The following LRRC4C variants were observed in gnomAD, a reference collection of about 807,000 sequenced individuals.
LRRC4C encodes leucine-rich repeat-containing protein 4C.
A neutral mutation model predicts 33.6 loss-of-function variants in LRRC4C; 5 were observed. That is an observed-to-expected ratio of 0.15 (90% confidence interval 0.08 to 0.31). The LOEUF (loss-of-function observed/expected upper bound fraction) is 0.31, where lower values mean the gene tolerates loss of function less well. LRRC4C is among the 10% of genes least tolerant of loss of function. The probability of loss-of-function intolerance (pLI) is 1.00; values close to 1 mark genes in which losing one functional copy is unlikely to be tolerated. For synonymous variants in LRRC4C, 329 were observed against 302.0 expected (o/e 1.09, Z -0.93); for missense variants, 560 against 796.7 (o/e 0.70, Z 3.58).
chr11:41,094,843 G>GA (rs369897319), intron 1 of LRRC4C, among the ~76,000 whole-genome samples: 9 of 152,032 alleles, frequency 5.9e-5, no homozygotes, highest in African/African-American at 9.7e-5. Context: ...TAAACTAGGT[G>GA]AAAAAAATCA....
intron 2 of LRRC4C, among the ~76,000 whole-genome samples, chr11:40,841,036 AT>A (rs1344061845): frequency 1.3e-5 from 2 of 152,218 alleles, no homozygotes; most frequent in African/African-American, 4.8e-5. Context: ...AGTTGTGTGA[AT>A]TTAGAAAATA....
At chr11:40,854,744 A>G (rs1393540265) in intron 2 of LRRC4C, among the ~76,000 whole-genome samples, 1 of 150,996 alleles carries the variant, frequency 6.6e-6, no homozygotes, top group Non-Finnish European at 1.5e-5. Context: ...ATGTACATAG[A>G]GTACATTAAT....
intron 1 of LRRC4C, among the ~76,000 whole-genome samples, chr11:40,941,649 T>C (rs541865325): frequency 5.9e-5 from 9 of 152,276 alleles, no homozygotes; most frequent in Admixed American, 1.3e-4. Flanking sequence ...TAGTGCTACC[T>C]GAGAAGTAAA....
Position 40,259,630 on chromosome 11 carries a change from G to A in LRRC4C, c.-175-18032C>T, listed in dbSNP as rs182563081. Among the ~76,000 whole-genome samples, 212 of 152,212 alleles carry A rather than the reference G, an allele frequency of 1.4e-3. 2 individuals are homozygous for A. The highest frequency in any genetic ancestry group is 4.8e-3 in the African/African-American group (199 of 41,530). ...GATCCAGTTTCAGCTTTCTACATAC[G>A]GCTAGCCAGTTTTCCCATCACCATT... On this transcript the variant is annotated intron_variant, in intron 4 of 6. Coordinates refer to ENST00000528697, the MANE Select transcript of LRRC4C (RefSeq NM_001258419.2).
At chr11:41,417,863 G>C (rs968132758) in intron 1 of LRRC4C, among the ~76,000 whole-genome samples, 3 of 151,146 alleles carry the variant, frequency 2.0e-5, no homozygotes, top group African/African-American at 7.3e-5. Flanking sequence ...ATTCATTGCT[G>C]TTGCTATCCT....
chr11:40,926,252 C>T (rs1957402929), intron 2 of LRRC4C, among the ~76,000 whole-genome samples: 1 of 152,152 alleles, frequency 6.6e-6, no homozygotes, highest in Non-Finnish European at 1.5e-5. Flanking sequence ...TCCTTCTGTC[C>T]TGTGACCTCC....
chr11:40,978,616 T>C (rs1423050998), intron 1 of LRRC4C, among the ~76,000 whole-genome samples: 1 of 150,294 alleles, frequency 6.7e-6, no homozygotes, highest in African/African-American at 2.4e-5. Flanking sequence ...CCCCTCTTTC[T>C]TTTTACTGTT....
chr11:40,796,801 G>A (rs1275408164), intron 2 of LRRC4C, among the ~76,000 whole-genome samples: 1 of 151,756 alleles, frequency 6.6e-6, no homozygotes, highest in East Asian at 1.9e-4. Flanking sequence ...CATGCACCAC[G>A]ATGCCTGGCT....
intron 1 of LRRC4C, among the ~76,000 whole-genome samples, chr11:41,339,539 C>G (rs1197951113): frequency 6.6e-6 from 1 of 152,132 alleles, no homozygotes; most frequent in Non-Finnish European, 1.5e-5. Context: ...AAAAACATCC[C>G]TCTCCTGTCT....
intron 3 of LRRC4C, among the ~76,000 whole-genome samples, chr11:40,349,077 A>G (rs1461111057): frequency 6.6e-6 from 1 of 152,216 alleles, no homozygotes; most frequent in East Asian, 1.9e-4. Flanking sequence ...TTTGTGTTAC[A>G]AACATTGCAA....
chr11:40,221,923 A>C (rs931451828), intron 5 of LRRC4C, among the ~76,000 whole-genome samples: 1 of 152,166 alleles, frequency 6.6e-6, no homozygotes. Flanking sequence ...CTCTTGAGAC[A>C]GGAGTCTCGT....
intron 3 of LRRC4C, among the ~76,000 whole-genome samples, chr11:40,578,829 G>T (rs1240329739): frequency 6.6e-6 from 1 of 152,142 alleles, no homozygotes. Context: ...TGAGACCAAA[G>T]ATTTGTGTCT....
intron 5 of LRRC4C, among the ~76,000 whole-genome samples, chr11:40,218,828 C>T (rs1864195100): frequency 1.3e-5 from 2 of 151,944 alleles, no homozygotes; most frequent in South Asian, 2.1e-4. Flanking sequence ...GTCTCATCTC[C>T]TACCTTTCTC....
chr11:41,132,098 C>A (rs1456992434), intron 1 of LRRC4C, among the ~76,000 whole-genome samples: 1 of 152,064 alleles, frequency 6.6e-6, no homozygotes, highest in Non-Finnish European at 1.5e-5. Flanking sequence ...ATGGGCTTGC[C>A]CCGAATTCTT....
chr11:41,265,681 T>G (rs1166264150), intron 1 of LRRC4C, among the ~76,000 whole-genome samples: 2 of 152,098 alleles, frequency 1.3e-5, no homozygotes, highest in African/African-American at 4.8e-5. Context: ...CATAATGGAA[T>G]TCTGCAGGGC....
chr11:40,936,384 C>T (rs1196499566), intron 1 of LRRC4C, among the ~76,000 whole-genome samples: 2 of 140,474 alleles, frequency 1.4e-5, no homozygotes, highest in Non-Finnish European at 3.0e-5. Context: ...GCTGCCCAGG[C>T]TGGAGTGCAG....
At chr11:41,184,943 A>G (rs2136177823) in intron 1 of LRRC4C, among the ~76,000 whole-genome samples, 1 of 152,252 alleles carries the variant, frequency 6.6e-6, no homozygotes, top group South Asian at 2.1e-4. Flanking sequence ...AAATAGAGAA[A>G]GAGAGAAAGA....
rs142210475 is a variant in LRRC4C, at chr11:41,442,910, T to C, written c.-496+16521A>G. Among the ~76,000 whole-genome samples the C allele has an allele frequency of 1.2e-3, 185 of 152,306 alleles. 1 individual carries two copies. In the Middle Eastern group the frequency reaches 0.02, roughly 17 times the overall value. On this transcript the variant is annotated intron_variant, in intron 1 of 6. Coordinates refer to ENST00000528697, the MANE Select transcript of LRRC4C (RefSeq NM_001258419.2). ...TACAATGACTTATGTATGCAGAATG[T>C]TCTGCATTGCAGAAAATGCTTTTGA...
At chr11:40,468,690 A>G (rs1952775445) in intron 3 of LRRC4C, among the ~76,000 whole-genome samples, 1 of 152,168 alleles carries the variant, frequency 6.6e-6, no homozygotes, top group African/African-American at 2.4e-5. Flanking sequence ...ATATATGTTT[A>G]TATAAATGCA....
Sources: gnomAD v4.1 joint callset for allele counts (sites outside exome capture counted in the v4.1 genomes callset) on GRCh38, gnomAD v4.1.1 for gene constraint, MANE v1.5 for transcripts, NCBI Gene and HGNC (gene_info 2026-07-23, HGNC 2026-07-21) for gene names.